Variants in DISC1 observed in about 807,000 individuals in gnomAD.
DISC1 encodes the protein DISC1 scaffold protein.
In DISC1, 57 loss-of-function variants were observed where a neutral mutation model predicts 84.5. That is an observed-to-expected ratio of 0.67 (90% CI 0.55 to 0.84). The LOEUF (loss-of-function observed/expected upper bound fraction) is 0.84. Among genes scored for constraint, DISC1 ranks in the 40% least tolerant of loss-of-function variants. The pLI is 0.00. For synonymous variants in DISC1, 411 were observed against 415.2 expected (o/e 0.99, Z 0.12); for missense variants, 1,000 against 1,057.8 (o/e 0.95, Z 0.76).
intron 9 of DISC1, among the ~76,000 whole-genome samples, chr1:231,836,791 C>T (rs1402984655): frequency 2.0e-5 from 3 of 152,184 alleles, no homozygotes; most frequent in Admixed American, 6.5e-5. Context: ...TGTCCGCGTG[C>T]TCTGGATAAA....
chr1:231,733,896 A>T (rs958357507), intron 3 of DISC1, among the ~76,000 whole-genome samples: 2 of 143,870 alleles, frequency 1.4e-5, no homozygotes, highest in Admixed American at 6.9e-5. Context: ...GGGGGTGGTG[A>T]TGGTAGAAGT....
At chr1:231,719,963 A>T (rs1418181512) in intron 3 of DISC1, among the ~76,000 whole-genome samples, 1 of 152,204 alleles carries the variant, frequency 6.6e-6, no homozygotes, top group Non-Finnish European at 1.5e-5. Flanking sequence ...ACAGTTTTCC[A>T]CTTGACCTTT....
rs1270141321 is a variant in DISC1 at position 231,626,839 on chromosome 1, C to A, written c.-29C>A. 42 of 1,425,738 alleles carry A rather than the reference C, an allele frequency of 2.9e-5. No individual in the cohort carries two copies. Among genetic ancestry groups the A allele is most frequent in the Non-Finnish European group, 3.7e-5 (41 of 1,100,110 alleles). The allele number at this position is 1,425,738 out of a possible 1,614,324, so 88.3% of individuals were successfully genotyped here. A position where few individuals can be genotyped will look rare whatever the true frequency, so the allele number is the denominator to read the frequency against. ...GGGAAGGAGCAGGAGGCAGCCCAGG[C>A]GGAGCGGGAGGAGCTGGCAGCGGGG... On this transcript the variant is annotated 5_prime_UTR_variant, in exon 1 of 13. Coordinates refer to ENST00000439617, the MANE Select transcript of DISC1 (RefSeq NM_018662.3).
chr1:231,853,062 G>A (rs2084012891), intron 9 of DISC1, among the ~76,000 whole-genome samples: 1 of 152,162 alleles, frequency 6.6e-6, no homozygotes, highest in Admixed American at 6.5e-5. Context: ...AGAACCAAAT[G>A]CATTCTACTC....
At chr1:231,677,009 A>C (rs2063218003) in intron 1 of DISC1, among the ~76,000 whole-genome samples, 1 of 152,210 alleles carries the variant, frequency 6.6e-6, no homozygotes, top group Non-Finnish European at 1.5e-5. Context: ...CTCTTCCTTA[A>C]GGAAAAGGAG....
chr1:231,955,161 C>T (rs965111399), intron 9 of DISC1, among the ~76,000 whole-genome samples: 3 of 152,168 alleles, frequency 2.0e-5, no homozygotes, highest in Non-Finnish European at 4.4e-5. Flanking sequence ...AAGGTGCTAT[C>T]ACAATATAAA....
At position 232,011,932 on chromosome 1, in the gene DISC1, C is replaced by T. The variant is rs772590601; in HGVS notation, c.2307+2883C>T. On this transcript the variant is annotated intron_variant, in intron 11 of 12. Coordinates refer to ENST00000439617, the MANE Select transcript of DISC1 (RefSeq NM_018662.3). ...TCTGCCGTGATCCTCAGTTAGGCCTCTTACAGGCCGCATCTCCACATCTGT... is the reference window on the plus strand; with the variant it reads ...TCTGCCGTGATCCTCAGTTAGGCCTTTTACAGGCCGCATCTCCACATCTGT... Among the ~76,000 whole-genome samples, 22 of 152,266 alleles carry T rather than the reference C, an allele frequency of 1.4e-4. No homozygotes were observed. In the Middle Eastern group the frequency reaches 0.02, roughly 141 times the overall value.
intron 9 of DISC1, among the ~76,000 whole-genome samples, chr1:231,881,375 C>T (rs990041181): frequency 2.0e-5 from 3 of 152,188 alleles, no homozygotes; most frequent in South Asian, 2.1e-4. Flanking sequence ...TTCCAGGCTT[C>T]TCTCCTTGGC....
chr1:231,716,004 A>G (rs570632678), intron 3 of DISC1, among the ~76,000 whole-genome samples: 83 of 152,148 alleles, frequency 5.5e-4, no homozygotes, highest in South Asian at 1.0e-3. Flanking sequence ...TGGATAAACT[A>G]GGCATAATAA....
chr1:231,853,813 C>G (rs982552885), intron 9 of DISC1, among the ~76,000 whole-genome samples: 2 of 152,232 alleles, frequency 1.3e-5, no homozygotes, highest in East Asian at 3.8e-4. Context: ...CTGCCTTGTC[C>G]TGGCTCGCTG....
chr1:231,758,417 G>A (rs2075346401), intron 4 of DISC1, among the ~76,000 whole-genome samples: 1 of 152,066 alleles, frequency 6.6e-6, no homozygotes, highest in South Asian at 2.1e-4. Flanking sequence ...GCCAGGTTTG[G>A]ATAGGCAAAC....
intron 1 of DISC1, among the ~76,000 whole-genome samples, chr1:231,642,434 C>T (rs933991799): frequency 3.3e-5 from 5 of 152,206 alleles, no homozygotes; most frequent in African/African-American, 4.8e-5. Flanking sequence ...AGAGCGAGCG[C>T]GGGCTGCGAG....
At chr1:231,779,911 G>T (rs1194574872) in intron 6 of DISC1, among the ~76,000 whole-genome samples, 3 of 152,010 alleles carry the variant, frequency 2.0e-5, no homozygotes, top group African/African-American at 7.3e-5. Context: ...CCCTTAAAGT[G>T]CCTGCTAATG....
intron 1 of DISC1, among the ~76,000 whole-genome samples, chr1:231,679,857 TATC>T (rs1442036641): frequency 1.3e-5 from 2 of 152,242 alleles, no homozygotes; most frequent in South Asian, 2.1e-4. Context: ...CCTGTCTAGT[TATC>T]ATCAACTCCA....
chr1:231,832,085 T>C (rs76903597), intron 9 of DISC1, among the ~76,000 whole-genome samples: 1 of 152,086 alleles, frequency 6.6e-6, no homozygotes, highest in Non-Finnish European at 1.5e-5. Context: ...TGTGGGAGGC[T>C]GGATTGAAGT....
intron 8 of DISC1, among the ~76,000 whole-genome samples, chr1:231,812,708 G>A (rs752754839): frequency 2.6e-5 from 4 of 152,090 alleles, no homozygotes; most frequent in Non-Finnish European, 5.9e-5. Flanking sequence ...ATTTAGAAAG[G>A]GCCTGTGAAA....
intron 9 of DISC1, among the ~76,000 whole-genome samples, chr1:231,907,131 C>CTCTCTTTCTT (rs2088783092): frequency 1.1e-5 from 1 of 93,100 alleles, no homozygotes; most frequent in East Asian, 3.6e-4. Flanking sequence ...TCCTTCCTTC[C>CTCTCTTTCTT]TCTTTCTTTC....
chr1:231,898,962 CAAAA>C, intron 9 of DISC1, among the ~76,000 whole-genome samples: 1 of 149,002 alleles, frequency 6.7e-6, no homozygotes, highest in South Asian at 2.2e-4. Context: ...TGAAACAAAA[CAAAA>C]AAAACCCCAC....
At chr1:231,825,775 A>C (rs905877876) in intron 9 of DISC1, among the ~76,000 whole-genome samples, 6 of 152,152 alleles carry the variant, frequency 3.9e-5, no homozygotes, top group African/African-American at 1.4e-4. Flanking sequence ...TGATTTGAAA[A>C]TATGTTGTCA....
Sources: allele counts gnomAD v4.1 joint callset (sites outside exome capture counted in the v4.1 genomes callset), GRCh38; gene constraint gnomAD v4.1.1; transcripts MANE v1.5; gene names NCBI Gene and HGNC (gene_info 2026-07-23, HGNC 2026-07-21).